The following AKAP12 variants were observed in gnomAD, a reference collection of about 807,000 sequenced individuals.
AKAP12 encodes the protein A-kinase anchor protein 12.
Under a neutral mutation model 79.9 loss-of-function variants are expected in AKAP12, and 32 were observed. That is an observed-to-expected ratio of 0.40 (90% CI 0.30 to 0.54). The LOEUF is 0.54. AKAP12 is among the 20% of genes least tolerant of loss of function. The probability of loss-of-function intolerance (pLI) is 0.48; values close to 1 mark genes in which losing one functional copy is unlikely to be tolerated. For synonymous variants in AKAP12, 808 were observed against 857.0 expected (o/e 0.94, Z 1.00); for missense variants, 2,074 against 2,177.0 (o/e 0.95, Z 0.94).
At position 151,352,661 on chromosome 6, in the gene AKAP12, G is replaced by A; in HGVS notation, c.4270G>A (p.Ala1424Thr). The change falls in exon 4 of 5, where the codon GCT becomes ACT. Residue 1424 changes from alanine (A) to threonine (T), a missense_variant. Around this residue, in one of 3 missense-constraint regions of AKAP12, gnomAD observed 614 missense variants for 665.6 expected, o/e 0.92. Transcript: ENST00000402676. The part of the protein sequence containing the change: ...SSEASFTLTA[A>T]AEEEKVLGET... ...TGAGGCATCATTCACTCTAACAGCG[G>A]CTGCAGAGGAGGAAAAGGTCTTAGG... is the stretch of plus-strand genomic sequence containing the variant. The A allele has an allele frequency of 3.1e-6, 5 of 1,614,218 alleles. No individual in the cohort carries two copies. In the Middle Eastern group the frequency reaches 8.2e-4, roughly 266 times the overall value.
intron 2 of AKAP12, among the ~76,000 whole-genome samples, chr6:151,298,325 C>T (rs890553661): frequency 3.9e-5 from 6 of 152,194 alleles, no homozygotes; most frequent in Non-Finnish European, 8.8e-5. Flanking sequence ...CAGGTAATAA[C>T]TCCCAGAGCT....
At chr6:151,305,936 CAGCACTTGCAACAAACTT>C (rs1174320957) in intron 3 of AKAP12, 33 bp downstream of exon 3, 1 of 1,569,958 alleles carries the variant, frequency 6.4e-7, no homozygotes, top group African/African-American at 1.4e-5. Context: ...GGAAGGCACA[CAGCACTTGCAACAAACTT>C]TGGACTCAGC....
rs1778351587 is a variant in AKAP12, at chr6:151,353,321, G to A, written c.4930G>A (p.Val1644Ile). The change falls in exon 4 of 5, where the codon GTT (valine) becomes ATT (isoleucine). Residue 1644 changes from valine to isoleucine, a missense_variant. Val to Ile is a conservative substitution (Grantham distance 29, BLOSUM62 3). Coordinates refer to ENST00000402676, the MANE Select transcript of AKAP12 (RefSeq NM_005100.4). ...MSEASEKTMT[V>I]EVEGSTVNDQ... Reference sequence around the variant, plus strand: ...TGAAGCCTCAGAAAAGACCATGACTGTTGAGGTAGAAGGTTCCACTGTAAA... The same window carrying A: ...TGAAGCCTCAGAAAAGACCATGACTATTGAGGTAGAAGGTTCCACTGTAAA... 2 of 1,614,214 alleles carry A rather than the reference G, an allele frequency of 1.2e-6. No individual in the cohort carries two copies. Among genetic ancestry groups the A allele is most frequent in the Non-Finnish European group, 1.7e-6 (2 of 1,180,034 alleles).
chr6:151,292,608 G>A (rs960320665), intron 2 of AKAP12, among the ~76,000 whole-genome samples: 9 of 152,194 alleles, frequency 5.9e-5, no homozygotes, highest in East Asian at 1.9e-4. Context: ...CTGCAGATAC[G>A]GAAGGCTGAC....
intron 3 of AKAP12, among the ~76,000 whole-genome samples, chr6:151,339,088 A>C (rs2114805426): frequency 6.6e-6 from 1 of 152,216 alleles, no homozygotes; most frequent in African/African-American, 2.4e-5. Flanking sequence ...CTGTGAATAA[A>C]CTCTGCCTTT....
intron 2 of AKAP12, among the ~76,000 whole-genome samples, chr6:151,292,600 G>T (rs1026500822): frequency 1.1e-4 from 16 of 152,360 alleles, no homozygotes; most frequent in Non-Finnish European, 2.4e-4. Flanking sequence ...ATGAGGAACT[G>T]CAGATACGGA....
Position 151,353,599 on chromosome 6 carries a change from A to C in AKAP12, c.5208A>C (p.Lys1736Asn), listed in dbSNP as rs1778361039. ...CAGATACAAATGGACCAAAACAAAA[A>C]GAGAAGGAGGATGCCCAGGAAGTAG... ...ESPDTNGPKQ[K>N]EKEDAQEVEL... Residue 1736 changes from lysine to asparagine, a missense_variant, in exon 4 of 5, where the codon AAA becomes AAC. By Grantham distance (94) the Lys-to-Asn change is moderately conservative (BLOSUM62 0). This residue lies in a region of AKAP12 where 614 missense variants were observed against 665.6 expected (regional missense o/e 0.92). Coordinates refer to ENST00000402676, the MANE Select transcript of AKAP12 (RefSeq NM_005100.4). The C allele has an allele frequency of 6.2e-7, 1 of 1,614,202 alleles. No homozygotes were observed. Among genetic ancestry groups the C allele is most frequent in the Non-Finnish European group, 8.5e-7 (1 of 1,180,024 alleles).
intron 3 of AKAP12, among the ~76,000 whole-genome samples, chr6:151,309,364 A>G (rs767967844): frequency 1.3e-5 from 2 of 152,242 alleles, no homozygotes; most frequent in Non-Finnish European, 2.9e-5. Flanking sequence ...GGACTGGCCC[A>G]CAGTGGAATT....
In AKAP12 at chr6:151,350,309, A is replaced by G. The variant is rs368927572; in HGVS notation, c.1918A>G (p.Ser640Gly). ...AGAAGATGAGCTGGACAAGGTCAAG[A>G]GCGCTACCTTGTCTTCCACCGAGAG... ...DKEDELDKVK[S>G]ATLSSTESTA... The change falls in exon 4 of 5, where the codon AGC (serine) becomes GGC (glycine). Residue 640 changes from serine (S) to glycine (G), a missense_variant. By Grantham distance (56) the Ser-to-Gly change is moderately conservative. Coordinates refer to ENST00000402676, the MANE Select transcript of AKAP12 (RefSeq NM_005100.4). This position sits in a 1 kb window ranked among gnomAD's most constrained non-coding sequence, Gnocchi z 4.8. 6.8e-6 allele frequency: 11 copies of G among 1,611,462 alleles called. No individual in the cohort carries two copies. Among genetic ancestry groups the G allele is most frequent in the Non-Finnish European group, 9.3e-6 (11 of 1,179,150 alleles).
chr6:151,274,213 A>G (rs2114715543), intron 2 of AKAP12, among the ~76,000 whole-genome samples: 1 of 152,112 alleles, frequency 6.6e-6, no homozygotes, highest in Admixed American at 6.5e-5. Context: ...CTGGGACTAC[A>G]GGGGCAGGGG....
chr6:151,345,300 C>T (rs573898788), intron 3 of AKAP12, among the ~76,000 whole-genome samples: 2 of 151,646 alleles, frequency 1.3e-5, no homozygotes, highest in South Asian at 4.2e-4. Context: ...TGGTCTCGAT[C>T]TCCTGACCTT....
At chr6:151,325,687 C>G in intron 3 of AKAP12, 1 of 1,436,482 alleles carries the variant, frequency 7.0e-7, no homozygotes, top group Non-Finnish European at 9.1e-7. Flanking sequence ...CTTTTCGCTG[C>G]GGCAGCTCCG....
chr6:151,255,309 G>A (rs568164338), intron 2 of AKAP12, among the ~76,000 whole-genome samples: 1 of 152,022 alleles, frequency 6.6e-6, no homozygotes, highest in African/African-American at 2.4e-5. Context: ...GGGATTACAG[G>A]CATGCACCAC....
rs1778446482 is a variant in AKAP12, at chr6:151,356,533, A to G, written c.*819A>G. ...TGCTTAATCCTGAGGCAAAGTAGTG[A>G]ATATGTTTTATATGTTATGAAGAAA... On this transcript the variant is annotated 3_prime_UTR_variant, in exon 5 of 5. Coordinates refer to ENST00000402676, the MANE Select transcript of AKAP12 (RefSeq NM_005100.4). The G allele has an allele frequency of 6.6e-6, 1 of 152,210 alleles. No individual in the cohort carries two copies. Among genetic ancestry groups the G allele is most frequent in the African/African-American group, 2.4e-5 (1 of 41,456 alleles). 9.4% of individuals were successfully genotyped at this position (152,210 alleles called of 1,614,324 possible). A position where few individuals can be genotyped will look rare whatever the true frequency, so the allele number is the denominator to read the frequency against.
At chr6:151,302,408 C>T (rs1269125608) in intron 2 of AKAP12, among the ~76,000 whole-genome samples, 1 of 152,146 alleles carries the variant, frequency 6.6e-6, no homozygotes, top group African/African-American at 2.4e-5. Flanking sequence ...AATCCTCCTG[C>T]CTCAGTCTCC....
chr6:151,248,170 T>C (rs540819718), intron 2 of AKAP12, among the ~76,000 whole-genome samples: 1 of 152,290 alleles, frequency 6.6e-6, no homozygotes, highest in African/African-American at 2.4e-5. Context: ...GGTGGTGCTA[T>C]TGAATCACCT....
At position 151,352,942 on chromosome 6, in the gene AKAP12, G is replaced by T. The variant is rs967964115; in HGVS notation, c.4551G>T (p.Glu1517Asp). Residue 1517 changes from glutamate to aspartate, a missense_variant, in exon 4 of 5, where the codon GAG becomes GAT. Glu to Asp is a conservative substitution (Grantham distance 45). Transcript: ENST00000402676. ...SLKWKSDEVD[E>D]QVACQEVKVS... ...AGTGGAAGTCAGATGAAGTCGATGA[G>T]CAGGTTGCTTGCCAGGAGGTCAAAG... 4 of 1,612,456 alleles carry T rather than the reference G, an allele frequency of 2.5e-6. No homozygotes were observed. Among genetic ancestry groups the T allele is most frequent in the Non-Finnish European group, 3.4e-6 (4 of 1,179,830 alleles).
At chr6:151,335,414 G>A (rs1182220295) in intron 3 of AKAP12, among the ~76,000 whole-genome samples, 1 of 152,154 alleles carries the variant, frequency 6.6e-6, no homozygotes, top group African/African-American at 2.4e-5. Flanking sequence ...TATAATGTAA[G>A]TGACTTATGT....
chr6:151,286,493 C>G (rs2114730641), intron 2 of AKAP12, among the ~76,000 whole-genome samples: 1 of 152,338 alleles, frequency 6.6e-6, no homozygotes, highest in Non-Finnish European at 1.5e-5. Context: ...CGTCGGCTTG[C>G]ATTCTTCGGA....
Sources: gnomAD v4.1 joint callset for allele counts (sites outside exome capture counted in the v4.1 genomes callset) on GRCh38, gnomAD v4.1.1 for gene constraint, gnomAD v4.1.1 regional missense constraint, Gnocchi (gnomAD v3.1) non-coding constraint, MANE v1.5 for transcripts, NCBI Gene and HGNC (gene_info 2026-07-23, HGNC 2026-07-21) for gene names.